The following PBX4 variants were observed in gnomAD, a reference collection of about 807,000 sequenced individuals.
PBX4 encodes the protein pre-B-cell leukemia transcription factor 4.
Under a neutral mutation model 35.1 loss-of-function variants are expected in PBX4, and 26 were observed. That is an observed-to-expected ratio of 0.74 (90% CI 0.54 to 1.03). PBX4 has a LOEUF of 1.03. Ranked by LOEUF, PBX4 falls within the 50% of genes least tolerant of loss-of-function variation. PBX4 has a pLI of 0.00. For synonymous variants in PBX4, 199 were observed against 204.2 expected (o/e 0.97, Z 0.22); for missense variants, 448 against 504.3 (o/e 0.89, Z 1.07).
chr19:19,618,579 G>A lies in PBX4; in HGVS notation c.51C>T (p.Leu17=). Residue 17 remains leucine (L), a synonymous_variant, in exon 1 of 8, where the codon CTC becomes CTT. Transcript: ENST00000251203. ...TCTGCTGCAGGACGTCGCTCGTGTC[G>A]AGGCGCCGCGGGGCGGGGGGCGATG... ...PAPSPPAPRR[L]DTSDVLQQIM... 6.0e-6 allele frequency: 8 copies of A among 1,330,376 alleles called. 1 individual carries two copies. In the South Asian group the frequency reaches 1.2e-4, roughly 20 times the overall value. 82.4% of individuals were successfully genotyped at this position (1,330,376 alleles called of 1,614,324 possible).
intron 2 of PBX4, among the ~76,000 whole-genome samples, chr19:19,577,551 G>T (rs940566336): frequency 2.6e-5 from 4 of 152,140 alleles, no homozygotes; most frequent in African/African-American, 9.7e-5. Flanking sequence ...AATCAGATGT[G>T]ATAAGCCTTA....
Position 19,595,719 on chromosome 19 carries a change from T to C in PBX4, c.193+3573A>G, listed in dbSNP as rs1417452234. Among the ~76,000 whole-genome samples, 5 of 94,514 alleles carry C rather than the reference T, an allele frequency of 5.3e-5. No homozygotes were observed. The East Asian group carries it at 1.4e-3, about 26-fold the overall frequency. The allele number at this position is 94,514 out of a possible 152,430, so 62.0% of individuals were successfully genotyped here. On this transcript the variant is annotated intron_variant, in intron 2 of 7. Transcript: ENST00000251203. ...GGAGACCAACAGGGGGCATATCATG[T>C]GGGGGCTGTCAGCAGCAGCAGTCTG...
Position 19,563,068 on chromosome 19 carries a change from T to C in PBX4, c.1032+441A>G, listed in dbSNP as rs1310580811. 1.3e-5 allele frequency among the ~76,000 whole-genome samples: 2 copies of C among 152,104 alleles called. No homozygotes were observed. Among genetic ancestry groups the C allele is most frequent in the Non-Finnish European group, 2.9e-5 (2 of 67,992 alleles). ...GCACATGACACCTGGGCCTCCTCAG[T>C]GTCTTCAAGACGGTCCCCACTCGCT... On this transcript the variant is annotated intron_variant, in intron 7 of 7. Transcript: ENST00000251203. This position sits in a 1 kb window ranked among gnomAD's most constrained non-coding sequence, Gnocchi z 5.1.
At chr19:19,565,229 G>T in intron 5 of PBX4, 140 bp from the exon 6 acceptor site, 1 of 1,061,170 alleles carries the variant, frequency 9.4e-7, no homozygotes. Context: ...AAGAGTCTGG[G>T]ACTGAGAAGG....
intron 1 of PBX4, among the ~76,000 whole-genome samples, chr19:19,611,191 G>A (rs1256034882): frequency 2.0e-5 from 3 of 152,184 alleles, no homozygotes; most frequent in African/African-American, 7.2e-5. Flanking sequence ...CCAAGCCTAG[G>A]GGAACACATT....
At chr19:19,600,012 T>C (rs2061587173) in intron 1 of PBX4, among the ~76,000 whole-genome samples, 1 of 148,572 alleles carries the variant, frequency 6.7e-6, no homozygotes, top group South Asian at 2.1e-4. Flanking sequence ...AACAGTGTCA[T>C]GCACCTGTAA....
intron 2 of PBX4, among the ~76,000 whole-genome samples, chr19:19,580,682 C>G (rs2061448550): frequency 6.6e-6 from 1 of 152,206 alleles, no homozygotes; most frequent in Non-Finnish European, 1.5e-5. Flanking sequence ...AACAAGGCCT[C>G]TGATATTGGA....
intron 1 of PBX4, among the ~76,000 whole-genome samples, chr19:19,603,934 C>G (rs1286711068): frequency 7.7e-6 from 1 of 129,388 alleles, no homozygotes; most frequent in Admixed American, 9.2e-5. Context: ...TGCATCCCAG[C>G]GAGCGAGACT....
Position 19,568,666 on chromosome 19 carries a change from T to C in PBX4, c.768+783A>G, listed in dbSNP as rs914417900. On this transcript the variant is annotated intron_variant, in intron 5 of 7. Coordinates refer to ENST00000251203, the MANE Select transcript of PBX4 (RefSeq NM_025245.3). ...TATCCCTCAGGAAGCTCACACTCCG[T>C]CTGTATCCCTCAGGGAGCTCATACT... is the stretch of plus-strand genomic sequence containing the variant. Among the ~76,000 whole-genome samples, 12 of 151,366 alleles carry C rather than the reference T, an allele frequency of 7.9e-5. 1 individual carries two copies. The highest frequency in any genetic ancestry group is 2.9e-4 in the African/African-American group (12 of 41,100).
In PBX4 at chr19:19,569,528, T is replaced by TA; in HGVS notation, c.688dup (p.Tyr230LeufsTer30). On this transcript the variant is annotated frameshift_variant, in exon 5 of 8. Transcript: ENST00000251203. LOFTEE classifies it high-confidence loss of function. ...GGGGTAAGGGTTGTTCAGATGGGAG[T>TA]AAAAATACTCATTCAGCACTTCCGT... The TA allele has an allele frequency of 6.2e-7, 1 of 1,613,570 alleles. No homozygotes were observed. Among genetic ancestry groups the TA allele is most frequent in the Non-Finnish European group, 8.5e-7 (1 of 1,179,786 alleles).
At chr19:19,613,885 C>T (rs1232205396) in intron 1 of PBX4, among the ~76,000 whole-genome samples, 1 of 152,118 alleles carries the variant, frequency 6.6e-6, no homozygotes, top group Non-Finnish European at 1.5e-5. Flanking sequence ...CCTGGCACAG[C>T]TCTTCTGTGC....
intron 2 of PBX4, among the ~76,000 whole-genome samples, chr19:19,577,196 A>C (rs866150342): frequency 0.021 from 1,792 of 87,390 alleles, 15 homozygotes; most frequent in Middle Eastern, 0.052. Context: ...CTCCATGTCA[A>C]AAAAAAAAAA....
At chr19:19,600,719 A>G (rs2061592253) in intron 1 of PBX4, among the ~76,000 whole-genome samples, 1 of 151,278 alleles carries the variant, frequency 6.6e-6, no homozygotes, top group East Asian at 1.9e-4. Context: ...CGGGAGGCTG[A>G]CACAGGAGAA....
At chr19:19,583,579 C>T (rs2061469767) in intron 2 of PBX4, among the ~76,000 whole-genome samples, 1 of 152,036 alleles carries the variant, frequency 6.6e-6, no homozygotes, top group African/African-American at 2.4e-5. Context: ...CCACTGCACT[C>T]CAGCCAGTTC....
chr19:19,600,487 G>A (rs1174517785), intron 1 of PBX4, among the ~76,000 whole-genome samples: 1 of 150,918 alleles, frequency 6.6e-6, no homozygotes, highest in East Asian at 2.0e-4. Context: ...ACATGCCACT[G>A]TACTCCAGCC....
At chr19:19,568,433 T>A (rs2061358255) in intron 5 of PBX4, among the ~76,000 whole-genome samples, 1 of 147,310 alleles carries the variant, frequency 6.8e-6, no homozygotes, top group Non-Finnish European at 1.5e-5. Flanking sequence ...TCACACTCCA[T>A]CTGTATCCCT....
intron 2 of PBX4, among the ~76,000 whole-genome samples, chr19:19,581,717 C>A (rs546534549): frequency 1.4e-4 from 21 of 152,282 alleles, no homozygotes; most frequent in African/African-American, 3.6e-4. Flanking sequence ...GCAGGCCTGT[C>A]CAACCCCAAG....
At chr19:19,583,428 T>C (rs543067854) in intron 2 of PBX4, among the ~76,000 whole-genome samples, 185 of 151,596 alleles carry the variant, frequency 1.2e-3, no homozygotes, top group Non-Finnish European at 2.2e-3. Flanking sequence ...CTGGGCAACA[T>C]AGCAAGACCC....
At chr19:19,564,096 C>T (rs1267540245) in intron 6 of PBX4, among the ~76,000 whole-genome samples, 4 of 150,618 alleles carry the variant, frequency 2.7e-5, no homozygotes, top group Non-Finnish European at 5.9e-5. Context: ...CACCCACTAA[C>T]TCGTCATCTA....
Sources: allele counts gnomAD v4.1 joint callset (sites outside exome capture counted in the v4.1 genomes callset), GRCh38; gene constraint gnomAD v4.1.1; non-coding constraint Gnocchi (gnomAD v3.1); transcripts MANE v1.5; gene names NCBI Gene and HGNC (gene_info 2026-07-23, HGNC 2026-07-21).